MEX3D: variants seen among roughly 807,000 people sequenced by gnomAD.
The protein encoded by MEX3D is mex-3 RNA binding family member D, also known as RNA-binding protein MEX3D.
MEX3D carries 4 observed loss-of-function variants against 6.3 expected under a neutral mutation model. The ratio of observed to expected loss-of-function variants is 0.64; its 90% confidence interval spans 0.31 to 1.46. The LOEUF is 1.46. MEX3D is among the 40% of genes most tolerant of loss of function. The pLI, the probability that MEX3D is intolerant of heterozygous loss-of-function variation, is 0.07. For missense variants in MEX3D, 1,038 were observed against 994.4 expected, an observed-to-expected ratio of 1.04 and a Z score of -0.59; for synonymous variants, 626 against 494.1, an observed-to-expected ratio of 1.27 and a Z score of -3.54.
chr19:1,567,764 G>C lies in MEX3D; in HGVS notation c.295C>G (p.Pro99Ala), dbSNP rs1334626412. 1.0e-4 allele frequency: 100 copies of C among 958,670 alleles called. No individual in the cohort carries two copies. Among genetic ancestry groups the C allele is most frequent in the Non-Finnish European group, 1.2e-4 (94 of 804,264 alleles). 59.4% of individuals were successfully genotyped at this position (958,670 alleles called of 1,614,324 possible). The change falls in exon 1 of 2, where the codon CCG becomes GCG. Residue 99 changes from proline to alanine, a missense_variant. This residue lies in a region of MEX3D where 265 missense variants were observed against 206.3 expected (regional missense o/e 1.28). Coordinates refer to ENST00000402693, the MANE Select transcript of MEX3D (RefSeq NM_203304.4). This position sits in a 1 kb window ranked among gnomAD's most constrained non-coding sequence, Gnocchi z 6.5. ...GGTCCGTCGGGGGGCACAGGCTCCG[G>C]AGCCGCCCCGCCGTCCGCGCCCCCC... ...AAGGADGGAA[P>A]EPVPPDGPEA...
intron 1 of MEX3D, among the ~76,000 whole-genome samples, chr19:1,565,339 C>G (rs192736083): frequency 2.6e-5 from 4 of 152,082 alleles, no homozygotes; most frequent in Admixed American, 6.6e-5. Flanking sequence ...GTCGGGAGTT[C>G]GAGACCAGCC....
rs763006298 is a variant in MEX3D, at chr19:1,567,636, C to T, written c.423G>A (p.Pro141=). The T allele has an allele frequency of 6.5e-5, 82 of 1,255,918 alleles. No homozygotes were observed. The highest frequency in any genetic ancestry group is 3.3e-5 in the East Asian group (1 of 30,400). The allele number at this position is 1,255,918 out of a possible 1,614,324, so 77.8% of individuals were successfully genotyped here. Residue 141 remains proline (P), a synonymous_variant, in exon 1 of 2, where the codon CCG becomes CCA. Coordinates refer to ENST00000402693, the MANE Select transcript of MEX3D (RefSeq NM_203304.4). This position sits in a 1 kb window ranked among gnomAD's most constrained non-coding sequence, Gnocchi z 6.5. The part of the protein sequence containing the change: ...ASPPPPPPPR[P]SPPDVFAGFA... ...AGCCCGCGAACACGTCGGGGGGCGA[C>T]GGCCGGGGCGGCGGCGGCGGCGGGG...
chr19:1,563,063 A>G (rs1369955464), intron 1 of MEX3D, among the ~76,000 whole-genome samples: 1 of 152,180 alleles, frequency 6.6e-6, no homozygotes, highest in African/African-American at 2.4e-5. Flanking sequence ...GGGAACATGT[A>G]CACTGTACTA....
chr19:1,564,482 G>T (rs1394107719), intron 1 of MEX3D, among the ~76,000 whole-genome samples: 2 of 151,262 alleles, frequency 1.3e-5, no homozygotes, highest in Admixed American at 1.3e-4. Flanking sequence ...GCAGTGAACC[G>T]GGATCGTGCC....
In MEX3D at chr19:1,561,249, G is replaced by A. The variant is rs183579608; in HGVS notation, c.596-4326C>T. Among the ~76,000 whole-genome samples the A allele has an allele frequency of 3.7e-3, 568 of 152,346 alleles. 5 individuals carry two copies. The highest frequency in any genetic ancestry group is 6.2e-3 in the Non-Finnish European group (423 of 68,026). On this transcript the variant is annotated intron_variant, in intron 1 of 1. Transcript: ENST00000402693. ...CAATGAAACCACAAGTCCTGGTGTG[G>A]GAGCCGAGGCCACCAGCCCAGGCTG...
intron 1 of MEX3D, among the ~76,000 whole-genome samples, chr19:1,564,003 T>G (rs1277942163): frequency 6.6e-6 from 1 of 151,296 alleles, no homozygotes; most frequent in Non-Finnish European, 1.5e-5. Flanking sequence ...GAGACAGGGT[T>G]TCGCCATGTT....
intron 1 of MEX3D, among the ~76,000 whole-genome samples, chr19:1,557,774 G>A (rs1251770129): frequency 2.9e-5 from 4 of 138,558 alleles, no homozygotes; most frequent in East Asian, 2.2e-4. Context: ...CGGAAGAATC[G>A]CTTGAACCTG....
At chr19:1,565,533 C>T (rs1044147314) in intron 1 of MEX3D, among the ~76,000 whole-genome samples, 3 of 152,194 alleles carry the variant, frequency 2.0e-5, no homozygotes, top group Non-Finnish European at 4.4e-5. Context: ...CAGAGCGAAA[C>T]TCCGTCTCAT....
chr19:1,563,944 G>A (rs1371202012), intron 1 of MEX3D, among the ~76,000 whole-genome samples: 1 of 151,532 alleles, frequency 6.6e-6, no homozygotes, highest in Non-Finnish European at 1.5e-5. Flanking sequence ...AGTAGCTGGG[G>A]CTGCAGGAGT....
In MEX3D at chr19:1,555,831, G is replaced by A; in HGVS notation, c.1688C>T (p.Ser563Leu). The A allele has an allele frequency of 7.4e-7, 1 of 1,353,318 alleles. No homozygotes were observed. Among genetic ancestry groups the A allele is most frequent in the Non-Finnish European group, 9.4e-7 (1 of 1,060,156 alleles). 83.8% of individuals were successfully genotyped at this position (1,353,318 alleles called of 1,614,324 possible). Residue 563 changes from serine (S) to leucine (L), a missense_variant, in exon 2 of 2, where the codon TCG becomes TTG. Physicochemically the swap from Ser to Leu is moderately radical, Grantham distance 145. Coordinates refer to ENST00000402693, the MANE Select transcript of MEX3D (RefSeq NM_203304.4). ...PGGAAFSTATSLPSSPAAAAC... is the reference protein window; with the variant it reads ...PGGAAFSTATLLPSSPAAAAC... ...GGCGGCCGCGGGGCTGCTGGGCAGC[G>A]AGGTGGCCGTGGAGAAGGCGGCGCC...
chr19:1,567,587 C>G lies in MEX3D; in HGVS notation c.472G>C (p.Gly158Arg). ...TGGTCGGCCAGCAGCGTCGGGGGCC[C>G]CAGGGCCGCGGGGTGGGGCGCGAAG... ...AGFAPHPAALGPPTLLADQMS... is the reference protein window; with the variant it reads ...AGFAPHPAALRPPTLLADQMS... The change falls in exon 1 of 2, where the codon GGG becomes CGG. Residue 158 changes from glycine (G) to arginine (R), a missense_variant. Physicochemically the swap from Gly to Arg is moderately radical, Grantham distance 125. Coordinates refer to ENST00000402693, the MANE Select transcript of MEX3D (RefSeq NM_203304.4). The surrounding 1 kb of genome is among the most constrained non-coding windows in gnomAD (Gnocchi z 6.5). 1 of 1,475,788 alleles carries G rather than the reference C, an allele frequency of 6.8e-7. No individual in the cohort carries two copies. The allele number at this position is 1,475,788 out of a possible 1,614,324, so 91.4% of individuals were successfully genotyped here.
chr19:1,555,468 C>T lies in MEX3D; in HGVS notation c.*95G>A. On this transcript the variant is annotated 3_prime_UTR_variant, in exon 2 of 2. Transcript: ENST00000402693. ...GCCCCCTCGGCCTCCGCCCCTCGCCCCCTCCCCGTCCCTCTCCCACCCCGG... is the reference window on the plus strand; with the variant it reads ...GCCCCCTCGGCCTCCGCCCCTCGCCTCCTCCCCGTCCCTCTCCCACCCCGG... 4 of 1,490,948 alleles carry T rather than the reference C, an allele frequency of 2.7e-6. No individual in the cohort carries two copies. Among genetic ancestry groups the T allele is most frequent in the Non-Finnish European group, 3.6e-6 (4 of 1,111,066 alleles). 92.4% of individuals were successfully genotyped at this position (1,490,948 alleles called of 1,614,324 possible). A position where few individuals can be genotyped will look rare whatever the true frequency, so the allele number is the denominator to read the frequency against.
At chr19:1,566,894 C>T (rs895755508) in intron 1 of MEX3D, among the ~76,000 whole-genome samples, 7 of 152,158 alleles carry the variant, frequency 4.6e-5, no homozygotes, top group African/African-American at 7.2e-5. Context: ...GGTCCTTCCC[C>T]AGGCCCCGAA....
chr19:1,560,792 G>A (rs953104294), intron 1 of MEX3D, among the ~76,000 whole-genome samples: 5 of 152,198 alleles, frequency 3.3e-5, no homozygotes, highest in African/African-American at 1.2e-4. Flanking sequence ...CGGAGCTGGA[G>A]CTCAATTCAT....
Position 1,567,762 on chromosome 19 carries a change from C to T in MEX3D, c.297G>A (p.Pro99=). 2.1e-6 allele frequency: 2 copies of T among 951,272 alleles called. No homozygotes were observed. Among genetic ancestry groups the T allele is most frequent in the Non-Finnish European group, 2.5e-6 (2 of 800,226 alleles). The allele number at this position is 951,272 out of a possible 1,614,324, so 58.9% of individuals were successfully genotyped here. A position where few individuals can be genotyped will look rare whatever the true frequency, so the allele number is the denominator to read the frequency against. Residue 99 remains proline, a synonymous_variant, in exon 1 of 2, where the codon CCG becomes CCA. Coordinates refer to ENST00000402693, the MANE Select transcript of MEX3D (RefSeq NM_203304.4). The surrounding 1 kb of genome is among the most constrained non-coding windows in gnomAD (Gnocchi z 6.5). ...CAGGTCCGTCGGGGGGCACAGGCTC[C>T]GGAGCCGCCCCGCCGTCCGCGCCCC... The part of the protein sequence containing the change: ...AAGGADGGAA[P]EPVPPDGPEA...
At chr19:1,566,656 T>C (rs988766225) in intron 1 of MEX3D, among the ~76,000 whole-genome samples, 6 of 151,850 alleles carry the variant, frequency 4.0e-5, no homozygotes, top group African/African-American at 1.5e-4. Flanking sequence ...GGGTGTGAGC[T>C]GGGCCAGGCA....
At position 1,555,768 on chromosome 19, in the gene MEX3D, C is replaced by G; in HGVS notation, c.1751G>C (p.Ser584Thr). ...APLDSGASEN[S>T]RKPPSASSAP... ...CGAGGACGCCGAAGGGGGCTTGCGG[C>G]TGTTCTCGGAGGCGCCGGAGTCCAG... Residue 584 changes from serine to threonine, a missense_variant, in exon 2 of 2, where the codon AGC (serine) becomes ACC (threonine). Physicochemically the swap from Ser to Thr is moderately conservative, Grantham distance 58. Transcript: ENST00000402693. 6.7e-7 allele frequency: 1 copy of G among 1,487,042 alleles called. No homozygotes were observed. The highest frequency in any genetic ancestry group is 8.9e-7 in the Non-Finnish European group (1 of 1,124,838). The allele number at this position is 1,487,042 out of a possible 1,614,324, so 92.1% of individuals were successfully genotyped here. A position where few individuals can be genotyped will look rare whatever the true frequency, so the allele number is the denominator to read the frequency against.
rs755330056 is a variant in MEX3D at position 1,555,776 on chromosome 19, G to A, written c.1743C>T (p.Ser581=). ...AACAPLDSGA[S]ENSRKPPSAS... ...CCGAAGGGGGCTTGCGGCTGTTCTC[G>A]GAGGCGCCGGAGTCCAGGGGGGCGC... is the stretch of plus-strand genomic sequence containing the variant. Residue 581 remains serine, a synonymous_variant, in exon 2 of 2, where the codon TCC becomes TCT. Transcript: ENST00000402693. 5.1e-5 allele frequency: 75 copies of A among 1,458,084 alleles called. No individual in the cohort carries two copies. The highest frequency in any genetic ancestry group is 2.3e-4 in the Middle Eastern group (1 of 4,330). 90.3% of individuals were successfully genotyped at this position (1,458,084 alleles called of 1,614,324 possible).
Position 1,555,925 on chromosome 19 carries a change from G to A in MEX3D, c.1594C>T (p.Arg532Cys). ...GLRLELPLSR[R>C]GAPDPVGALS... ...GCGCCCACCGGGTCCGGGGCGCCAC[G>A]GCGAGACAGCGGGAGCTCCAGGCGG... is the stretch of plus-strand genomic sequence containing the variant. The change falls in exon 2 of 2, where the codon CGT becomes TGT. Residue 532 changes from arginine to cysteine, a missense_variant. Physicochemically the swap from Arg to Cys is radical, Grantham distance 180. This residue lies in a region of MEX3D where 581 missense variants were observed against 516.2 expected (regional missense o/e 1.13). Transcript: ENST00000402693. 8.4e-7 allele frequency: 1 copy of A among 1,193,784 alleles called. No homozygotes were observed. The highest frequency in any genetic ancestry group is 1.0e-6 in the Non-Finnish European group (1 of 963,650). The allele number at this position is 1,193,784 out of a possible 1,614,324, so 73.9% of individuals were successfully genotyped here. A position where few individuals can be genotyped will look rare whatever the true frequency, so the allele number is the denominator to read the frequency against.
Sources: allele counts gnomAD v4.1 joint callset (sites outside exome capture counted in the v4.1 genomes callset), GRCh38; gene constraint gnomAD v4.1.1; regional missense constraint gnomAD v4.1.1; non-coding constraint Gnocchi (gnomAD v3.1); transcripts MANE v1.5; gene names NCBI Gene and HGNC (gene_info 2026-07-23, HGNC 2026-07-21).